SLC17A6: variants seen among roughly 807,000 people sequenced by gnomAD.
The protein encoded by SLC17A6 is solute carrier family 17 member 6, also known as vesicular glutamate transporter 2.
Under a neutral mutation model 67.1 loss-of-function variants are expected in SLC17A6, and 35 were observed. That is an observed-to-expected ratio of 0.52 (90% CI 0.40 to 0.69). The LOEUF (loss-of-function observed/expected upper bound fraction) is 0.69, where lower values mean the gene tolerates loss of function less well. SLC17A6 is among the 30% of genes least tolerant of loss of function. The pLI, the probability that SLC17A6 is intolerant of heterozygous loss-of-function variation, is 0.00. For missense variants in SLC17A6, 588 were observed against 723.9 expected (o/e 0.81, Z 2.15); for synonymous variants, 285 against 252.3 (o/e 1.13, Z -1.23).
At chr11:22,369,581 T>G (rs1856151434) in intron 7 of SLC17A6, among the ~76,000 whole-genome samples, 1 of 152,042 alleles carries the variant, frequency 6.6e-6, no homozygotes, top group Non-Finnish European at 1.5e-5. Flanking sequence ...AATACTGTAC[T>G]CTTAAGATTT....
chr11:22,367,601 C>G (rs990334832), intron 7 of SLC17A6, among the ~76,000 whole-genome samples: 1 of 152,140 alleles, frequency 6.6e-6, no homozygotes, highest in African/African-American at 2.4e-5. Flanking sequence ...GCCTCAATTT[C>G]TAGCCCCAAA....
intron 3 of SLC17A6, among the ~76,000 whole-genome samples, chr11:22,353,127 T>C (rs1183179636): frequency 6.6e-6 from 1 of 152,240 alleles, no homozygotes; most frequent in African/African-American, 2.4e-5. Flanking sequence ...GAAATTTCTG[T>C]ATAATAATGG....
chr11:22,360,835 G>A (rs1447306972), intron 4 of SLC17A6, 62 bp from the exon 5 acceptor site: 2 of 1,436,468 alleles, frequency 1.4e-6, no homozygotes, highest in African/African-American at 1.4e-5. Flanking sequence ...GATTTGTACA[G>A]GATACTAAAA....
At chr11:22,363,278 T>C (rs540863832) in intron 6 of SLC17A6, among the ~76,000 whole-genome samples, 1 of 152,262 alleles carries the variant, frequency 6.6e-6, no homozygotes, top group East Asian at 1.9e-4. Context: ...AAGTGACTAT[T>C]CAATTCCGTA....
intron 8 of SLC17A6, 37 bp from the exon 9 acceptor site, chr11:22,374,718 G>A (rs189132081): frequency 1.3e-6 from 2 of 1,536,900 alleles, no homozygotes; most frequent in Non-Finnish European, 8.8e-7. Context: ...ATTATTTATG[G>A]TTATGTCTAT....
chr11:22,341,954 T>A (rs1256201858), intron 2 of SLC17A6, among the ~76,000 whole-genome samples, 174 bp downstream of exon 2: 1 of 152,176 alleles, frequency 6.6e-6, no homozygotes, highest in Non-Finnish European at 1.5e-5. Flanking sequence ...ATCAGTTCCC[T>A]TTTCGCTCTG....
intron 8 of SLC17A6, among the ~76,000 whole-genome samples, chr11:22,372,934 C>G (rs1418839290): frequency 6.6e-6 from 1 of 152,018 alleles, no homozygotes; most frequent in African/African-American, 2.4e-5. Flanking sequence ...CTTTTGAGGT[C>G]AAATACAGAG....
At chr11:22,366,660 G>A (rs1228362218) in intron 7 of SLC17A6, among the ~76,000 whole-genome samples, 2 of 152,064 alleles carry the variant, frequency 1.3e-5, no homozygotes, top group South Asian at 2.1e-4. Flanking sequence ...CTGATACATT[G>A]TACATAGTAA....
At chr11:22,341,854 G>A (rs72636009) in intron 2 of SLC17A6, 74 bp downstream of exon 2, 2 of 1,530,750 alleles carry the variant, frequency 1.3e-6, no homozygotes, top group Admixed American at 1.9e-5. Flanking sequence ...TCCTGTTTGA[G>A]CCCCGTTCCC....
chr11:22,367,461 T>C (rs1189123892), intron 7 of SLC17A6, among the ~76,000 whole-genome samples: 1 of 152,208 alleles, frequency 6.6e-6, no homozygotes, highest in African/African-American at 2.4e-5. Context: ...TGTTTCCTTC[T>C]ATAAATAGAC....
intron 8 of SLC17A6, 93 bp downstream of exon 8, chr11:22,370,281 T>G (rs2050667589): frequency 9.8e-7 from 1 of 1,022,110 alleles, no homozygotes; most frequent in Non-Finnish European, 1.4e-6. Context: ...CTTCTAATTT[T>G]CAGAGATTAT....
chr11:22,377,326 G>A, intron 11 of SLC17A6, 79 bp from the exon 12 acceptor site: 1 of 1,290,476 alleles, frequency 7.7e-7, no homozygotes, highest in Non-Finnish European at 1.1e-6. Context: ...AAAACTCAGT[G>A]GTGGTGCATT....
intron 3 of SLC17A6, among the ~76,000 whole-genome samples, chr11:22,357,401 T>A (rs990341640): frequency 3.9e-5 from 6 of 152,138 alleles, no homozygotes; most frequent in African/African-American, 1.2e-4. Flanking sequence ...AAGGGGGTGA[T>A]TTTTCTTGCA....
At chr11:22,360,300 GGA>G (rs2133869566) in intron 4 of SLC17A6, among the ~76,000 whole-genome samples, 1 of 152,088 alleles carries the variant, frequency 6.6e-6, no homozygotes, top group East Asian at 1.9e-4. Flanking sequence ...CACAGGGAGG[GGA>G]ACGACACACA....
chr11:22,377,101 A>G (rs1056183278), intron 11 of SLC17A6, among the ~76,000 whole-genome samples: 14 of 152,238 alleles, frequency 9.2e-5, no homozygotes, highest in Admixed American at 5.9e-4. Flanking sequence ...GTAAAGAAAC[A>G]AAGGAAATGG....
chr11:22,338,927 T>TG (rs1471825018), intron 1 of SLC17A6, among the ~76,000 whole-genome samples: 1 of 150,740 alleles, frequency 6.6e-6, no homozygotes, highest in Non-Finnish European at 1.5e-5. Flanking sequence ...AGTTAAGAAA[T>TG]GGCCAGCCCC....
intron 3 of SLC17A6, among the ~76,000 whole-genome samples, chr11:22,354,210 A>C (rs767856844): frequency 6.6e-6 from 1 of 151,700 alleles, no homozygotes; most frequent in Non-Finnish European, 1.5e-5. Flanking sequence ...CAGCCTCCTG[A>C]GTAGCTGAGA....
At chr11:22,368,250 C>A (rs892821703) in intron 7 of SLC17A6, among the ~76,000 whole-genome samples, 1 of 151,992 alleles carries the variant, frequency 6.6e-6, no homozygotes, top group African/African-American at 2.4e-5. Context: ...CATCTATATT[C>A]TAATATCTAA....
At chr11:22,364,142 T>C (rs930172905) in intron 6 of SLC17A6, among the ~76,000 whole-genome samples, 2 of 152,172 alleles carry the variant, frequency 1.3e-5, no homozygotes, top group African/African-American at 4.8e-5. Context: ...AACAATAATT[T>C]GGTCTGGAGT....
Sources: gnomAD v4.1 joint callset for allele counts (sites outside exome capture counted in the v4.1 genomes callset) on GRCh38, gnomAD v4.1.1 for gene constraint, MANE v1.5 for transcripts, NCBI Gene and HGNC (gene_info 2026-07-23, HGNC 2026-07-21) for gene names.